The following CCDC7 variants were observed in gnomAD, a reference collection of about 807,000 sequenced individuals.
CCDC7 encodes coiled-coil domain containing 7.
CCDC7 carries 183 observed loss-of-function variants against 196.9 expected under a neutral mutation model. The observed-to-expected ratio is 0.93, with a 90% confidence interval of 0.82 to 1.05. The LOEUF is 1.05. CCDC7 is among the 50% of genes least tolerant of loss of function. The pLI, the probability that CCDC7 is intolerant of heterozygous loss-of-function variation, is 0.00. For synonymous variants in CCDC7, 525 were observed against 484.6 expected, an observed-to-expected ratio of 1.08 and a Z score of -1.10; for missense variants, 1,540 against 1,482.2, an observed-to-expected ratio of 1.04 and a Z score of -0.64.
chr10:32,572,590 T>C (rs117187114), intron 16 of CCDC7, among the ~76,000 whole-genome samples: 3,339 of 152,256 alleles, frequency 0.022, 63 homozygotes, highest in Non-Finnish European at 0.034. Flanking sequence ...AGTGAATGTT[T>C]ATATTTATAT....
chr10:32,729,897 C>T (rs1414195957), intron 28 of CCDC7, among the ~76,000 whole-genome samples: 2 of 151,862 alleles, frequency 1.3e-5, no homozygotes, highest in East Asian at 3.9e-4. Context: ...TTGCTTGATA[C>T]GTTTTTTTCA....
At chr10:32,826,500 T>A (rs2091138632) in intron 32 of CCDC7, among the ~76,000 whole-genome samples, 1 of 152,188 alleles carries the variant, frequency 6.6e-6, no homozygotes, top group Non-Finnish European at 1.5e-5. Flanking sequence ...ACAGCAGTAT[T>A]CCATCATCAA....
intron 40 of CCDC7, among the ~76,000 whole-genome samples, chr10:32,853,256 A>ATAAATGGTC (rs2093630684): frequency 6.6e-6 from 1 of 152,198 alleles, no homozygotes; most frequent in African/African-American, 2.4e-5. Context: ...AATAAAATTA[A>ATAAATGGTC]TAAATGGTCT....
At chr10:32,497,836 G>A (rs183478290) in intron 9 of CCDC7, among the ~76,000 whole-genome samples, 6 of 152,322 alleles carry the variant, frequency 3.9e-5, no homozygotes, top group Admixed American at 3.9e-4. Flanking sequence ...TTTAGAATAA[G>A]TGCAATGTGG....
intron 40 of CCDC7, 142 bp downstream of exon 41, chr10:32,852,074 T>C: frequency 1.3e-6 from 1 of 775,672 alleles, no homozygotes. Context: ...TAAGTGCACC[T>C]AACATTTGTT....
chr10:32,823,233 C>T (rs1044445474), intron 31 of CCDC7, among the ~76,000 whole-genome samples: 4 of 151,960 alleles, frequency 2.6e-5, no homozygotes, highest in Admixed American at 2.6e-4. Flanking sequence ...ACCTCCGCCT[C>T]CCAGGTTCAA....
chr10:32,676,570 A>G (rs2075015383), intron 21 of CCDC7, among the ~76,000 whole-genome samples: 1 of 152,170 alleles, frequency 6.6e-6, no homozygotes, highest in South Asian at 2.1e-4. Flanking sequence ...GACATGAGCA[A>G]ACACTTCTCA....
At chr10:32,790,438 G>A (rs2082518441) in intron 29 of CCDC7, among the ~76,000 whole-genome samples, 1 of 152,148 alleles carries the variant, frequency 6.6e-6, no homozygotes, top group African/African-American at 2.4e-5. Flanking sequence ...ACTGCACCTG[G>A]GGCCATTGGC....
At chr10:32,849,937 A>G (rs2093481628) in intron 39 of CCDC7, among the ~76,000 whole-genome samples, 1 of 152,022 alleles carries the variant, frequency 6.6e-6, no homozygotes, top group African/African-American at 2.4e-5. Context: ...TTGGATCCCT[A>G]CTTCTGAAGG....
chr10:32,624,582 T>C (rs991396993), intron 18 of CCDC7, among the ~76,000 whole-genome samples: 1 of 152,180 alleles, frequency 6.6e-6, no homozygotes, highest in Admixed American at 6.6e-5. Context: ...ATCTAATAGT[T>C]TAATGAGAGT....
At chr10:32,507,651 A>G (rs371831148) in intron 9 of CCDC7, among the ~76,000 whole-genome samples, 60 of 151,800 alleles carry the variant, frequency 4.0e-4, no homozygotes, top group African/African-American at 1.4e-3. Context: ...CAGTTTCTCC[A>G]TGTTGACCAG....
intron 20 of CCDC7, among the ~76,000 whole-genome samples, chr10:32,637,035 A>C (rs1358635423): frequency 6.6e-6 from 1 of 152,076 alleles, no homozygotes; most frequent in Non-Finnish European, 1.5e-5. Context: ...TTCTTTTGAG[A>C]AGTGTTTGTT....
intron 5 of CCDC7, 56 bp downstream of exon 6, chr10:32,463,105 C>A: frequency 6.3e-7 from 1 of 1,594,692 alleles, no homozygotes; most frequent in Non-Finnish European, 8.6e-7. Context: ...ATTTGAAAAG[C>A]AATTTGGATT....
At chr10:32,831,139 A>G (rs1464983214) in intron 32 of CCDC7, among the ~76,000 whole-genome samples, 3 of 152,208 alleles carry the variant, frequency 2.0e-5, no homozygotes, top group Admixed American at 6.5e-5. Flanking sequence ...CTTGTACAGC[A>G]TGTTACTGGA....
At chr10:32,647,480 A>AG (rs1564955001) in intron 20 of CCDC7, among the ~76,000 whole-genome samples, 2 of 151,898 alleles carry the variant, frequency 1.3e-5, no homozygotes, top group Non-Finnish European at 1.5e-5. Flanking sequence ...ACTTTTCTCC[A>AG]CAGCCTTACC....
chr10:32,684,957 ATTT>A (rs34155403), intron 21 of CCDC7, among the ~76,000 whole-genome samples: 35,015 of 148,544 alleles, frequency 0.24, 4,766 homozygotes, highest in East Asian at 0.4. Flanking sequence ...ATTTAATTTA[ATTT>A]TTTTTTTTTT....
intron 21 of CCDC7, among the ~76,000 whole-genome samples, chr10:32,676,006 A>G (rs1442853135): frequency 4.6e-5 from 7 of 151,774 alleles, no homozygotes; most frequent in African/African-American, 1.2e-4. Flanking sequence ...TACAGTAACC[A>G]AAAGAGCATG....
chr10:32,845,918 T>C (rs1390490850), exon 36 of CCDC7: 2 of 1,612,346 alleles, frequency 1.2e-6, no homozygotes, highest in Non-Finnish European at 8.5e-7. Context: ...GGAAGAGGTA[T>C]AATAATAGGG....
intron 18 of CCDC7, among the ~76,000 whole-genome samples, chr10:32,613,982 A>T (rs975480721): frequency 2.6e-5 from 4 of 152,126 alleles, no homozygotes; most frequent in African/African-American, 9.7e-5. Context: ...TTTCTGTCTC[A>T]TTGATCTAAT....
Sources: gnomAD v4.1 joint callset for allele counts (sites outside exome capture counted in the v4.1 genomes callset) on GRCh38, gnomAD v4.1.1 for gene constraint, MANE v1.5 for transcripts, NCBI Gene and HGNC (gene_info 2026-07-23, HGNC 2026-07-21) for gene names.